The following NFASC variants were observed in gnomAD, a reference collection of about 807,000 sequenced individuals.
NFASC encodes the protein neurofascin homolog.
A neutral mutation model predicts 147.5 loss-of-function variants in NFASC; 43 were observed. The observed-to-expected ratio is 0.29, with a 90% CI of 0.23 to 0.38. The LOEUF (loss-of-function observed/expected upper bound fraction) is 0.38. Among genes scored for constraint, NFASC ranks in the 10% least tolerant of loss-of-function variants. NFASC has a pLI of 1.00. For synonymous variants in NFASC, 622 were observed against 665.5 expected, an observed-to-expected ratio of 0.93 and a Z score of 1.01; for missense variants, 1,320 against 1,689.0, an observed-to-expected ratio of 0.78 and a Z score of 3.83.
intron 1 of NFASC, among the ~76,000 whole-genome samples, chr1:204,843,587 T>TCTTCCTTCCTTCCTTCCTTC (rs141939311): frequency 8.3e-6 from 1 of 120,502 alleles, no homozygotes; most frequent in Non-Finnish European, 1.7e-5. Context: ...CTTCTTTCCT[T>TCTTCCTTCCTTCCTTCCTTC]CTTCCTTCCT....
At chr1:204,891,089 G>A (rs1407388295) in intron 1 of NFASC, among the ~76,000 whole-genome samples, 1 of 152,210 alleles carries the variant, frequency 6.6e-6, no homozygotes, top group African/African-American at 2.4e-5. Context: ...AGAGTAGAAT[G>A]TAAAGGTCTC....
intron 2 of NFASC, among the ~76,000 whole-genome samples, chr1:204,926,416 T>A (rs1474605589): frequency 1.5e-4 from 3 of 19,658 alleles, no homozygotes; most frequent in Non-Finnish European, 2.4e-4. Flanking sequence ...ATTTTTTTTT[T>A]TTTTTTTTTT....
intron 2 of NFASC, among the ~76,000 whole-genome samples, chr1:204,935,276 A>G (rs998063836): frequency 6.6e-6 from 1 of 152,210 alleles, no homozygotes; most frequent in African/African-American, 2.4e-5. Flanking sequence ...GGAAGTAAAC[A>G]AAGATCACCC....
chr1:204,899,742 C>T (rs933888444), intron 1 of NFASC, among the ~76,000 whole-genome samples: 6 of 152,180 alleles, frequency 3.9e-5, no homozygotes, highest in African/African-American at 1.4e-4. Context: ...ACTTACATAT[C>T]ACCTTGAGCA....
chr1:205,002,872 A>T, intron 27 of NFASC, 124 bp downstream of exon 27: 3 of 718,326 alleles, frequency 4.2e-6, no homozygotes, highest in Non-Finnish European at 6.1e-6. Flanking sequence ...CCCACCTTGC[A>T]TGGCGTGTCT....
At position 204,952,237 on chromosome 1, in the gene NFASC, G is replaced by A; in HGVS notation, c.215+121G>A. 4 of 742,944 alleles carry A rather than the reference G, an allele frequency of 5.4e-6. No individual in the cohort carries two copies. The Admixed American group carries it at 6.8e-5, about 13-fold the overall frequency. The allele number at this position is 742,944 out of a possible 1,614,324, so 46.0% of individuals were successfully genotyped here. A position where few individuals can be genotyped will look rare whatever the true frequency, so the allele number is the denominator to read the frequency against. On this transcript the variant is annotated intron_variant, in intron 5 of 29. Transcript: ENST00000339876. ...ATCCATTCCAAAAAATTTCCATTAG[G>A]CACCTACTAGGTGGAAGGCATAATT...
chr1:204,981,630 T>G (rs1415195613), intron 20 of NFASC, among the ~76,000 whole-genome samples, 168 bp from the exon 21 acceptor site: 1 of 152,198 alleles, frequency 6.6e-6, no homozygotes, highest in Non-Finnish European at 1.5e-5. Flanking sequence ...CTTGGGCTTT[T>G]GGGGGACTCA....
chr1:205,016,998 T>TC lies in NFASC; in HGVS notation c.*464dup, dbSNP rs1296315257. The TC allele has an allele frequency of 3.5e-6, 1 of 283,670 alleles. No individual in the cohort carries two copies. Among genetic ancestry groups the TC allele is most frequent in the Non-Finnish European group, 7.0e-6 (1 of 142,914 alleles). 17.6% of individuals were successfully genotyped at this position (283,670 alleles called of 1,614,324 possible). On this transcript the variant is annotated 3_prime_UTR_variant, in exon 30 of 30. Coordinates refer to ENST00000339876, the MANE Select transcript of NFASC (RefSeq NM_001005388.3). This position sits in a 1 kb window ranked among gnomAD's most constrained non-coding sequence, Gnocchi z 5.1. The stretch of plus-strand genomic sequence containing the variant: ...TGGAAAAGAAAGAATAAGTGGATTC[T>TC]CCCCCAGGAGAATCCTTTTTGCAAA...
At chr1:204,929,782 G>A (rs2092164309) in intron 2 of NFASC, among the ~76,000 whole-genome samples, 1 of 152,112 alleles carries the variant, frequency 6.6e-6, no homozygotes, top group Non-Finnish European at 1.5e-5. Context: ...TTTTCTTCCA[G>A]AGATCCCTCT....
chr1:204,953,609 CTT>C (rs1231824471), intron 5 of NFASC, among the ~76,000 whole-genome samples: 3 of 152,302 alleles, frequency 2.0e-5, no homozygotes, highest in Non-Finnish European at 2.9e-5. Context: ...AGCTGCCACT[CTT>C]GGGCTACAGG....
intron 1 of NFASC, among the ~76,000 whole-genome samples, chr1:204,865,003 T>C (rs186152811): frequency 6.6e-6 from 1 of 152,354 alleles, no homozygotes; most frequent in African/African-American, 2.4e-5. Flanking sequence ...TAAAAGTCCA[T>C]TAACAAACCC....
In NFASC at chr1:204,944,223, C is replaced by T; in HGVS notation, c.-90-3C>T. On this transcript the variant is annotated splice_region_variant and splice_polypyrimidine_tract_variant and intron_variant, in intron 2 of 29. Transcript: ENST00000339876. ...TCACTTGCTCTTATGTTTCTTTCCA[C>T]AGCTGAGTGCTGTCCAGGAGGCCCA... is the stretch of plus-strand genomic sequence containing the variant. 1 of 1,557,328 alleles carries T rather than the reference C, an allele frequency of 6.4e-7. No homozygotes were observed. The highest frequency in any genetic ancestry group is 8.7e-7 in the Non-Finnish European group (1 of 1,152,858).
intron 1 of NFASC, among the ~76,000 whole-genome samples, chr1:204,857,775 A>G (rs2076284981): frequency 6.6e-6 from 1 of 152,166 alleles, no homozygotes; most frequent in South Asian, 2.1e-4. Context: ...CAATTCTGGA[A>G]GCTGGAAGCC....
chr1:205,013,222 G>C (rs1420706365), intron 29 of NFASC, among the ~76,000 whole-genome samples: 1 of 152,142 alleles, frequency 6.6e-6, no homozygotes, highest in East Asian at 1.9e-4. Context: ...TGAGCCCCAG[G>C]ACCCTCTTGC....
chr1:204,999,168 G>A (rs2095916658), intron 25 of NFASC: 1 of 152,012 alleles, frequency 6.6e-6, no homozygotes, highest in East Asian at 1.9e-4. Context: ...AGGAGTCAGT[G>A]AGACAATCTA....
At chr1:204,875,835 A>G (rs2078676014) in intron 1 of NFASC, among the ~76,000 whole-genome samples, 1 of 152,140 alleles carries the variant, frequency 6.6e-6, no homozygotes, top group African/African-American at 2.4e-5. Flanking sequence ...GTTATTAACT[A>G]GTTTTTGAGG....
intron 1 of NFASC, among the ~76,000 whole-genome samples, chr1:204,910,152 C>T (rs768639890): frequency 4.2e-5 from 6 of 143,280 alleles, no homozygotes; most frequent in Non-Finnish European, 7.6e-5. Flanking sequence ...TTGCATTAAA[C>T]CAGTATATAT....
chr1:204,856,741 G>T (rs1302553406), intron 1 of NFASC, among the ~76,000 whole-genome samples: 2 of 152,012 alleles, frequency 1.3e-5, no homozygotes, highest in Non-Finnish European at 2.9e-5. Context: ...GCCTTTTCTG[G>T]ATATTTCATA....
intron 27 of NFASC, among the ~76,000 whole-genome samples, chr1:205,007,482 A>G (rs1340592521): frequency 1.3e-5 from 2 of 148,798 alleles, no homozygotes; most frequent in African/African-American, 4.9e-5. Context: ...ATTGGGGGGA[A>G]GAGAAAAAAG....
Sources: gnomAD v4.1 joint callset for allele counts (sites outside exome capture counted in the v4.1 genomes callset) on GRCh38, gnomAD v4.1.1 for gene constraint, Gnocchi (gnomAD v3.1) non-coding constraint, MANE v1.5 for transcripts, NCBI Gene and HGNC (gene_info 2026-07-23, HGNC 2026-07-21) for gene names.